Variants in KCTD16 observed in about 807,000 individuals in gnomAD.
The protein encoded by KCTD16 is potassium channel tetramerization domain containing 16, also known as BTB/POZ domain-containing protein KCTD16.
A neutral mutation model predicts 33.2 loss-of-function variants in KCTD16; 13 were observed. That is an observed-to-expected ratio of 0.39 (90% CI 0.25 to 0.62). KCTD16 has a LOEUF of 0.62. Ranked by LOEUF, KCTD16 falls within the 20% of genes least tolerant of loss-of-function variation. The pLI is 0.50. For synonymous variants in KCTD16, 197 were observed against 195.3 expected, an observed-to-expected ratio of 1.01 and a Z score of -0.07; for missense variants, 441 against 525.1, an observed-to-expected ratio of 0.84 and a Z score of 1.57.
chr5:144,353,664 T>C (rs1751500223), intron 3 of KCTD16, among the ~76,000 whole-genome samples: 1 of 152,222 alleles, frequency 6.6e-6, no homozygotes, highest in African/African-American at 2.4e-5. Context: ...GACAGAAGGC[T>C]CTCTACTTCC....
At chr5:144,259,206 C>T (rs1277668639) in intron 3 of KCTD16, among the ~76,000 whole-genome samples, 3 of 141,540 alleles carry the variant, frequency 2.1e-5, no homozygotes, top group East Asian at 4.2e-4. Context: ...TGCAGTTAGC[C>T]GAGATCGCGC....
intron 3 of KCTD16, among the ~76,000 whole-genome samples, chr5:144,326,084 G>A (rs1485294650): frequency 6.6e-6 from 1 of 152,058 alleles, no homozygotes; most frequent in Non-Finnish European, 1.5e-5. Flanking sequence ...AAAATGTCTT[G>A]TTTTCTCAGA....
intron 3 of KCTD16, among the ~76,000 whole-genome samples, chr5:144,424,991 T>G (rs1269795977): frequency 6.6e-6 from 1 of 152,060 alleles, no homozygotes; most frequent in Non-Finnish European, 1.5e-5. Flanking sequence ...TCCCAAATCT[T>G]AACTCATTCA....
In KCTD16 at chr5:144,388,065, G is replaced by GTTTTTTTTTT. The variant is rs397999492; in HGVS notation, c.833-85574_833-85565dup. ...AATCCAGAGTTCAATTTTAGAGCAA[G>GTTTTTTTTTT]TTTTTTTTTTTTTTTTTTTTTTTTT... On this transcript the variant is annotated intron_variant, in intron 3 of 3. Transcript: ENST00000512467. Among the ~76,000 whole-genome samples the GTTTTTTTTTT allele has an allele frequency of 1.3e-3, 97 of 73,662 alleles. 18 individuals are homozygous for GTTTTTTTTTT. Among genetic ancestry groups the GTTTTTTTTTT allele is most frequent in the African/African-American group, 5.8e-3 (93 of 16,102 alleles). The allele number at this position is 73,662 out of a possible 152,430, so 48.3% of individuals were successfully genotyped here. A position where few individuals can be genotyped will look rare whatever the true frequency, so the allele number is the denominator to read the frequency against.
chr5:144,393,557 TAGAG>T (rs542496682), intron 3 of KCTD16, among the ~76,000 whole-genome samples: 3 of 151,992 alleles, frequency 2.0e-5, no homozygotes, highest in Admixed American at 6.6e-5. Context: ...TGTATATATA[TAGAG>T]AGAGAGTGTG....
intron 3 of KCTD16, among the ~76,000 whole-genome samples, chr5:144,383,347 T>G (rs1008723235): frequency 2.6e-5 from 4 of 152,220 alleles, no homozygotes; most frequent in African/African-American, 9.6e-5. Context: ...CACATTTTGT[T>G]GAGTTATTCA....
At chr5:144,255,600 G>T (rs1260796352) in intron 3 of KCTD16, among the ~76,000 whole-genome samples, 1 of 151,932 alleles carries the variant, frequency 6.6e-6, no homozygotes, top group Non-Finnish European at 1.5e-5. Context: ...ATACTTATTG[G>T]CCATTTGCAT....
chr5:144,287,390 T>C (rs1459324329), intron 3 of KCTD16, among the ~76,000 whole-genome samples: 1 of 152,222 alleles, frequency 6.6e-6, no homozygotes, highest in Non-Finnish European at 1.5e-5. Context: ...TTGATCGTTA[T>C]GCTCCTTGTG....
chr5:144,259,888 G>A (rs1273514695), intron 3 of KCTD16, among the ~76,000 whole-genome samples: 3 of 152,172 alleles, frequency 2.0e-5, no homozygotes, highest in Admixed American at 2.0e-4. Context: ...TGTTTAGGAT[G>A]CCTTGCCCAC....
intron 2 of KCTD16, among the ~76,000 whole-genome samples, chr5:144,191,917 A>C (rs1052855967): frequency 6.6e-6 from 1 of 152,000 alleles, no homozygotes; most frequent in African/African-American, 2.4e-5. Flanking sequence ...ATACAAGTGA[A>C]TTTCTTTCAC....
intron 3 of KCTD16, among the ~76,000 whole-genome samples, chr5:144,375,969 A>G (rs1345098323): frequency 6.6e-6 from 1 of 151,964 alleles, no homozygotes; most frequent in Non-Finnish European, 1.5e-5. Context: ...AATTACAGGC[A>G]CGAGCCGCTA....
intron 3 of KCTD16, among the ~76,000 whole-genome samples, chr5:144,464,629 A>T (rs772311344): frequency 3.3e-5 from 5 of 152,178 alleles, no homozygotes; most frequent in Admixed American, 6.5e-5. Flanking sequence ...ATGACATGTG[A>T]TAGGTGCTCA....
At chr5:144,396,263 A>G (rs948672566) in intron 3 of KCTD16, among the ~76,000 whole-genome samples, 1 of 152,158 alleles carries the variant, frequency 6.6e-6, no homozygotes, top group Admixed American at 6.5e-5. Context: ...CTCTATCCAG[A>G]TATTTCCTTT....
chr5:144,465,779 C>T (rs200059478), intron 3 of KCTD16, among the ~76,000 whole-genome samples: 7 of 129,858 alleles, frequency 5.4e-5, no homozygotes, highest in Admixed American at 1.8e-4. Flanking sequence ...CCAAATTTAA[C>T]TTTTTTGTTT....
chr5:144,175,554 A>G (rs988811955), intron 2 of KCTD16, among the ~76,000 whole-genome samples: 9 of 152,212 alleles, frequency 5.9e-5, no homozygotes, highest in African/African-American at 2.2e-4. Flanking sequence ...TAATATTTAA[A>G]CCTTATGTTT....
At chr5:144,369,146 A>C (rs1477872156) in intron 3 of KCTD16, among the ~76,000 whole-genome samples, 5 of 152,156 alleles carry the variant, frequency 3.3e-5, no homozygotes, top group African/African-American at 7.2e-5. Context: ...AAGTGGCTGC[A>C]CTGCCCCATA....
intron 3 of KCTD16, among the ~76,000 whole-genome samples, chr5:144,360,752 G>A (rs189338358): frequency 6.6e-6 from 1 of 152,188 alleles, no homozygotes; most frequent in African/African-American, 2.4e-5. Context: ...TTTTATGGCT[G>A]CATAGTATTC....
At chr5:144,252,694 C>T (rs1049425681) in intron 3 of KCTD16, among the ~76,000 whole-genome samples, 6 of 151,264 alleles carry the variant, frequency 4.0e-5, no homozygotes, top group African/African-American at 7.3e-5. Flanking sequence ...TAATGAGGCT[C>T]ATGTCAGAAA....
At chr5:144,403,435 C>T (rs767905972) in intron 3 of KCTD16, among the ~76,000 whole-genome samples, 3 of 152,044 alleles carry the variant, frequency 2.0e-5, no homozygotes, top group African/African-American at 7.2e-5. Context: ...AAGCGACACA[C>T]AGAGAGCAGC....
Sources: gnomAD v4.1 joint callset for allele counts (sites outside exome capture counted in the v4.1 genomes callset) on GRCh38, gnomAD v4.1.1 for gene constraint, MANE v1.5 for transcripts, NCBI Gene and HGNC (gene_info 2026-07-23, HGNC 2026-07-21) for gene names.